Variants in RGS20 observed in about 807,000 individuals in gnomAD.
RGS20 encodes regulator of G protein signaling 20, also known as gz-selective GTPase-activating protein.
Under a neutral mutation model 33.6 loss-of-function variants are expected in RGS20, and 30 were observed. The observed-to-expected ratio is 0.89, with a 90% confidence interval of 0.67 to 1.21. The LOEUF (loss-of-function observed/expected upper bound fraction) is 1.21, where lower values mean the gene tolerates loss of function less well. Ranked by LOEUF, RGS20 falls within the 50% of genes most tolerant of loss-of-function variation. The pLI is 0.00. For synonymous variants in RGS20, 208 were observed against 197.9 expected, an observed-to-expected ratio of 1.05 and a Z score of -0.43; for missense variants, 472 against 502.4, an observed-to-expected ratio of 0.94 and a Z score of 0.58.
At chr8:53,930,568 G>A (rs1585932156) in intron 2 of RGS20, among the ~76,000 whole-genome samples, 1 of 151,986 alleles carries the variant, frequency 6.6e-6, no homozygotes, top group Non-Finnish European at 1.5e-5. Flanking sequence ...TTTGTTTTTT[G>A]ACAGAGTCTC....
chr8:53,948,163 A>T (rs1255202068), intron 4 of RGS20, among the ~76,000 whole-genome samples: 1 of 135,938 alleles, frequency 7.4e-6, no homozygotes, highest in East Asian at 2.1e-4. Context: ...ATATATTTAT[A>T]TATGCTATAT....
chr8:53,882,220 G>T (rs898659380), intron 2 of RGS20, among the ~76,000 whole-genome samples: 4 of 152,130 alleles, frequency 2.6e-5, no homozygotes, highest in African/African-American at 4.8e-5. Context: ...GAGAGTGGGC[G>T]CCGGGAGGGG....
At position 53,878,773 on chromosome 8, in the gene RGS20, C is replaced by G. The variant is rs145565761; in HGVS notation, c.166-485C>G. 3.5e-3 allele frequency among the ~76,000 whole-genome samples: 533 copies of G among 152,242 alleles called. 3 individuals carry two copies. Among genetic ancestry groups the G allele is most frequent in the African/African-American group, 0.011 (446 of 41,526 alleles). ...CTCTGTGCCTCTGGCAGGCAGAGCC[C>G]TGGGCACTTAGGGAGATGGGAAAGG... On this transcript the variant is annotated intron_variant, in intron 1 of 5. Coordinates refer to ENST00000297313, the MANE Select transcript of RGS20 (RefSeq NM_170587.4).
chr8:53,885,747 G>A (rs919476655), intron 2 of RGS20, among the ~76,000 whole-genome samples: 1 of 150,476 alleles, frequency 6.6e-6, no homozygotes, highest in African/African-American at 2.5e-5. Context: ...AAAGGAAACC[G>A]TGGTTTTTTC....
At chr8:53,869,847 G>A (rs2129271229) in intron 1 of RGS20, among the ~76,000 whole-genome samples, 1 of 152,224 alleles carries the variant, frequency 6.6e-6, no homozygotes, top group East Asian at 1.9e-4. Flanking sequence ...GCCCAAAATT[G>A]GCCAAGAGAG....
At chr8:53,946,857 T>G in intron 4 of RGS20, 109 bp downstream of exon 3, 1 of 853,184 alleles carries the variant, frequency 1.2e-6, no homozygotes, top group Non-Finnish European at 1.8e-6. Flanking sequence ...TAACTGTAAT[T>G]TAGTAATATC....
intron 4 of RGS20, among the ~76,000 whole-genome samples, chr8:53,947,371 G>C (rs1385180666): frequency 6.4e-5 from 8 of 125,532 alleles, no homozygotes; most frequent in Non-Finnish European, 9.9e-5. Flanking sequence ...CTATATATAA[G>C]ATATAGTATA....
intron 2 of RGS20, among the ~76,000 whole-genome samples, chr8:53,918,750 T>TCATA (rs952342419): frequency 5.3e-5 from 8 of 152,320 alleles, no homozygotes; most frequent in Middle Eastern, 6.8e-3. Context: ...TCATTCCTTT[T>TCATA]CATAGCTAAA....
intron 1 of RGS20, among the ~76,000 whole-genome samples, chr8:53,866,921 G>C (rs916547192): frequency 1.3e-5 from 2 of 152,138 alleles, no homozygotes; most frequent in Non-Finnish European, 2.9e-5. Flanking sequence ...GTTTGGACGT[G>C]TGTGTGTCCT....
chr8:53,938,182 AC>A (rs1174199226), intron 2 of RGS20, among the ~76,000 whole-genome samples: 7 of 152,198 alleles, frequency 4.6e-5, no homozygotes, highest in African/African-American at 1.7e-4. Context: ...GCACATATAC[AC>A]CATGGAATTC....
intron 2 of RGS20, among the ~76,000 whole-genome samples, chr8:53,902,114 C>T (rs1813049125): frequency 6.6e-6 from 1 of 151,950 alleles, no homozygotes; most frequent in Non-Finnish European, 1.5e-5. Flanking sequence ...GCCTCCTGGA[C>T]CCAAGGAATT....
intron 5 of RGS20, among the ~76,000 whole-genome samples, chr8:53,957,703 C>T (rs913280650): frequency 2.0e-5 from 3 of 152,262 alleles, no homozygotes; most frequent in African/African-American, 4.8e-5. Flanking sequence ...CCTACACCTA[C>T]TGAGTCTGGG....
At chr8:53,932,741 G>A (rs1174051473) in intron 2 of RGS20, among the ~76,000 whole-genome samples, 3 of 152,230 alleles carry the variant, frequency 2.0e-5, no homozygotes, top group Non-Finnish European at 4.4e-5. Context: ...GAAGAGAGCA[G>A]CAGATCTCCC....
At chr8:53,905,380 G>C (rs967460802) in intron 2 of RGS20, among the ~76,000 whole-genome samples, 1 of 152,212 alleles carries the variant, frequency 6.6e-6, no homozygotes, top group South Asian at 2.1e-4. Flanking sequence ...AGTGGAAATA[G>C]AGCTTTGATT....
At chr8:53,947,775 GATATAGTAT>G (rs1814555553) in intron 4 of RGS20, among the ~76,000 whole-genome samples, 1 of 112,384 alleles carries the variant, frequency 8.9e-6, no homozygotes, top group Non-Finnish European at 1.9e-5. Context: ...CTATATATAG[GATATAGTAT>G]ATACATTTAT....
chr8:53,903,916 A>T (rs1813097231), intron 2 of RGS20, among the ~76,000 whole-genome samples: 1 of 152,124 alleles, frequency 6.6e-6, no homozygotes, highest in African/African-American at 2.4e-5. Context: ...CAGACCTGAG[A>T]TGTTAACTAG....
intron 2 of RGS20, 63 bp from the exon 1 acceptor site, chr8:53,880,809 G>A: frequency 7.5e-7 from 1 of 1,339,442 alleles, no homozygotes; most frequent in Non-Finnish European, 9.7e-7. Context: ...CGCCGCCGCT[G>A]GAGGGAGGCG....
intron 4 of RGS20, among the ~76,000 whole-genome samples, chr8:53,952,655 G>A (rs2129293930): frequency 6.7e-6 from 1 of 149,900 alleles, no homozygotes; most frequent in East Asian, 2.0e-4. Flanking sequence ...GAACCCGGAA[G>A]GCGGAGGTTG....
chr8:53,946,453 A>G (rs1009465009), intron 3 of RGS20: 1 of 586,438 alleles, frequency 1.7e-6, no homozygotes, highest in African/African-American at 1.9e-5. Flanking sequence ...CTTTCTCAAT[A>G]GTAGAAACCA....
Sources: allele counts gnomAD v4.1 joint callset (sites outside exome capture counted in the v4.1 genomes callset), GRCh38; gene constraint gnomAD v4.1.1; transcripts MANE v1.5; gene names NCBI Gene and HGNC (gene_info 2026-07-23, HGNC 2026-07-21).